The following ARID4A variants were observed in gnomAD, a reference collection of about 807,000 sequenced individuals.
The protein encoded by ARID4A is AT-rich interactive domain-containing protein 4A.
In ARID4A, 39 loss-of-function variants were observed where a neutral mutation model predicts 148.6. That is an observed-to-expected ratio of 0.26 (90% CI 0.20 to 0.34). The LOEUF (loss-of-function observed/expected upper bound fraction) is 0.34. ARID4A is among the 10% of genes least tolerant of loss of function. ARID4A has a pLI of 1.00. For synonymous variants in ARID4A, 475 were observed against 481.2 expected, an observed-to-expected ratio of 0.99 and a Z score of 0.17; for missense variants, 1,265 against 1,449.1, an observed-to-expected ratio of 0.87 and a Z score of 2.06.
intron 12 of ARID4A, among the ~76,000 whole-genome samples, chr14:58,345,398 C>A (rs2140229144): frequency 6.6e-6 from 1 of 152,294 alleles, no homozygotes; most frequent in East Asian, 1.9e-4. Flanking sequence ...ATTACTAATG[C>A]TATATTTGTG....
chr14:58,353,706 A>G lies in ARID4A; in HGVS notation c.1704A>G (p.Glu568=). Residue 568 remains glutamate (E), a synonymous_variant, in exon 17 of 24, where the codon GAA becomes GAG. Coordinates refer to ENST00000355431, the MANE Select transcript of ARID4A (RefSeq NM_002892.4). The part of the protein sequence containing the change: ...KCDSEGEEDE[E]DMEPCLTGTK... ...ACTCTGAAGGAGAGGAAGATGAGGA[A>G]GACATGGAACCCTGCCTAACAGGAA... The G allele has an allele frequency of 6.2e-7, 1 of 1,614,104 alleles. No individual in the cohort carries two copies. Among genetic ancestry groups the G allele is most frequent in the Non-Finnish European group, 8.5e-7 (1 of 1,179,994 alleles).
chr14:58,310,964 G>T (rs1018778262), intron 5 of ARID4A, among the ~76,000 whole-genome samples: 1 of 151,856 alleles, frequency 6.6e-6, no homozygotes, highest in Non-Finnish European at 1.5e-5. Context: ...ATGGGCAAAA[G>T]GCTGGGCACG....
rs2035026381 is a variant in ARID4A at position 58,359,249 on chromosome 14, G to A, written c.1938+33G>A. 3.3e-6 allele frequency: 5 copies of A among 1,523,476 alleles called. No individual in the cohort carries two copies. The African/African-American group carries it at 5.6e-5, about 17-fold the overall frequency. The allele number at this position is 1,523,476 out of a possible 1,614,324, so 94.4% of individuals were successfully genotyped here. On this transcript the variant is annotated intron_variant, in intron 18 of 23. Transcript: ENST00000355431. ...TGTAGATTTATGTCCTTTATAATAT[G>A]TATAGGAATTATCCAAATTGTATTG...
intron 5 of ARID4A, among the ~76,000 whole-genome samples, chr14:58,318,161 A>C (rs1274231530): frequency 6.6e-6 from 1 of 152,172 alleles, no homozygotes; most frequent in Non-Finnish European, 1.5e-5. Flanking sequence ...GGGGTACTCT[A>C]ATATTAAACT....
chr14:58,338,307 T>C (rs566091595), intron 11 of ARID4A, among the ~76,000 whole-genome samples: 3 of 152,178 alleles, frequency 2.0e-5, no homozygotes, highest in Non-Finnish European at 4.4e-5. Context: ...AAAATCACAC[T>C]ATTTAATATA....
chr14:58,301,148 A>G (rs2031130486), intron 2 of ARID4A, among the ~76,000 whole-genome samples: 1 of 152,248 alleles, frequency 6.6e-6, no homozygotes, highest in Admixed American at 6.5e-5. Context: ...GGCTATGTCA[A>G]TAAACAATTA....
intron 3 of ARID4A, chr14:58,303,606 A>G (rs2031370298): frequency 2.2e-6 from 1 of 462,028 alleles, no homozygotes. Context: ...AGTGCCTGAT[A>G]CATAGTGGAC....
At position 58,346,503 on chromosome 14, in the gene ARID4A, A is replaced by G; in HGVS notation, c.1072A>G (p.Asn358Asp). 6.3e-7 allele frequency: 1 copy of G among 1,597,502 alleles called. No individual in the cohort carries two copies. The highest frequency in any genetic ancestry group is 8.6e-7 in the Non-Finnish European group (1 of 1,166,904). ...RLVYHQGGCDNIDSGAVWKQI... is the reference protein window; with the variant it reads ...RLVYHQGGCDDIDSGAVWKQI... ...GGTTTATCATCAGGGTGGATGTGAC[A>G]ATGTAAGTATAACATTGCTTTTTGA... is the stretch of plus-strand genomic sequence containing the variant. Residue 358 changes from asparagine to aspartate, a missense_variant and splice_region_variant, in exon 13 of 24, where the codon AAT becomes GAT. By Grantham distance (23) the Asn-to-Asp change is conservative. Transcript: ENST00000355431.
At chr14:58,321,366 G>A (rs1216911349) in intron 7 of ARID4A, among the ~76,000 whole-genome samples, 1 of 152,080 alleles carries the variant, frequency 6.6e-6, no homozygotes, top group African/African-American at 2.4e-5. Flanking sequence ...CTAACGCTAT[G>A]GATTCTAATT....
chr14:58,348,764 A>G (rs2034493650), intron 15 of ARID4A, among the ~76,000 whole-genome samples: 1 of 152,240 alleles, frequency 6.6e-6, no homozygotes, highest in African/African-American at 2.4e-5. Context: ...CCAGTTTTCA[A>G]AACTTCCTTC....
At chr14:58,308,223 T>G (rs1220975281) in intron 5 of ARID4A, among the ~76,000 whole-genome samples, 2 of 152,242 alleles carry the variant, frequency 1.3e-5, no homozygotes, top group African/African-American at 4.8e-5. Context: ...ATTGTATAAT[T>G]CTTGTTCTCA....
chr14:58,319,947 T>G (rs959371707), intron 7 of ARID4A, among the ~76,000 whole-genome samples: 1 of 149,342 alleles, frequency 6.7e-6, no homozygotes, highest in Non-Finnish European at 1.5e-5. Flanking sequence ...TTTTTTCTTT[T>G]CTTTTTTTTT....
chr14:58,312,820 G>A (rs1368871680), intron 5 of ARID4A, among the ~76,000 whole-genome samples: 2 of 152,130 alleles, frequency 1.3e-5, no homozygotes, highest in Non-Finnish European at 2.9e-5. Context: ...GAGGATAATG[G>A]TTCCTACTTT....
At chr14:58,323,001 A>G (rs561864516) in intron 7 of ARID4A, among the ~76,000 whole-genome samples, 3 of 143,760 alleles carry the variant, frequency 2.1e-5, no homozygotes, top group East Asian at 2.0e-4. Flanking sequence ...ATATATATAT[A>G]TATGCTTAAA....
intron 3 of ARID4A, 29 bp downstream of exon 3, chr14:58,301,719 A>G: frequency 6.4e-7 from 1 of 1,560,032 alleles, no homozygotes; most frequent in South Asian, 1.1e-5. Context: ...CAATAGTTTT[A>G]TTAACTCTAG....
chr14:58,371,508 C>T, intron 23 of ARID4A, among the ~76,000 whole-genome samples: 1 of 152,140 alleles, frequency 6.6e-6, no homozygotes, highest in Non-Finnish European at 1.5e-5. Context: ...TAAATTAATT[C>T]TCTTACGGTC....
In ARID4A at chr14:58,330,069, G is replaced by A. The variant is rs2033435882; in HGVS notation, c.806G>A (p.Ser269Asn). ...CCTGATAATTGGAAAATGGATATAA[G>A]TGAAATCCTTGAGTCATCCAGTAGT... ...VVPDNWKMDI[S>N]EILESSSSDD... The change falls in exon 11 of 24, where the codon AGT becomes AAT. Residue 269 changes from serine to asparagine, a missense_variant. Ser to Asn is a conservative substitution (Grantham distance 46). Around this residue, in one of 9 missense-constraint regions of ARID4A, gnomAD observed 249 missense variants for 277.2 expected, o/e 0.90. Coordinates refer to ENST00000355431, the MANE Select transcript of ARID4A (RefSeq NM_002892.4). The A allele has an allele frequency of 1.2e-6, 2 of 1,613,314 alleles. No homozygotes were observed. The highest frequency in any genetic ancestry group is 1.7e-6 in the Non-Finnish European group (2 of 1,179,802).
At chr14:58,357,532 C>T (rs1364013202) in intron 17 of ARID4A, among the ~76,000 whole-genome samples, 1 of 152,060 alleles carries the variant, frequency 6.6e-6, no homozygotes, top group Non-Finnish European at 1.5e-5. Context: ...AAGCCATATG[C>T]AGCCCAGCAT....
At chr14:58,369,761 A>G (rs548664552) in intron 23 of ARID4A, among the ~76,000 whole-genome samples, 4 of 152,178 alleles carry the variant, frequency 2.6e-5, no homozygotes, top group South Asian at 2.1e-4. Context: ...CTAAGAAGAC[A>G]TGGGACTGGC....
Sources: gnomAD v4.1 joint callset for allele counts (sites outside exome capture counted in the v4.1 genomes callset) on GRCh38, gnomAD v4.1.1 for gene constraint, gnomAD v4.1.1 regional missense constraint, MANE v1.5 for transcripts, NCBI Gene and HGNC (gene_info 2026-07-23, HGNC 2026-07-21) for gene names.